ATRNL1: variants seen among roughly 807,000 people sequenced by gnomAD.
ATRNL1 encodes the protein attractin like 1.
Under a neutral mutation model 182.7 loss-of-function variants are expected in ATRNL1, and 95 were observed. The observed-to-expected ratio is 0.52, with a 90% confidence interval of 0.44 to 0.62. ATRNL1 has a LOEUF of 0.62. Ranked by LOEUF, ATRNL1 falls within the 20% of genes least tolerant of loss-of-function variation. The pLI is 0.00. For synonymous variants in ATRNL1, 576 were observed against 568.3 expected, an observed-to-expected ratio of 1.01 and a Z score of -0.19; for missense variants, 1,471 against 1,679.5, an observed-to-expected ratio of 0.88 and a Z score of 2.17.
At chr10:115,702,541 C>G (rs568491698) in intron 26 of ATRNL1, among the ~76,000 whole-genome samples, 12 of 152,002 alleles carry the variant, frequency 7.9e-5, no homozygotes, top group African/African-American at 2.9e-4. Context: ...TTAGAAAACA[C>G]TAAAGACTCC....
At chr10:115,808,854 T>C (rs982672242) in intron 27 of ATRNL1, among the ~76,000 whole-genome samples, 1 of 152,168 alleles carries the variant, frequency 6.6e-6, no homozygotes, top group African/African-American at 2.4e-5. Context: ...GTTCAGTTTA[T>C]TGACTTTTTC....
intron 26 of ATRNL1, among the ~76,000 whole-genome samples, chr10:115,639,277 A>C (rs2133852351): frequency 6.6e-6 from 1 of 152,330 alleles, no homozygotes; most frequent in East Asian, 1.9e-4. Flanking sequence ...CAAACTGTGA[A>C]TTCTGTGTTT....
At chr10:115,628,013 G>A (rs1201270939) in intron 26 of ATRNL1, among the ~76,000 whole-genome samples, 19 of 151,918 alleles carry the variant, frequency 1.3e-4, no homozygotes, top group African/African-American at 4.6e-4. Context: ...TGGGCATGGT[G>A]GTGTGCACCT....
intron 28 of ATRNL1, among the ~76,000 whole-genome samples, chr10:115,892,704 G>A (rs1380822726): frequency 1.3e-5 from 2 of 152,066 alleles, no homozygotes; most frequent in African/African-American, 2.4e-5. Context: ...TTTGAATTCC[G>A]ATTGAAATCA....
intron 26 of ATRNL1, among the ~76,000 whole-genome samples, chr10:115,569,379 G>A (rs2133858181): frequency 6.6e-6 from 1 of 152,094 alleles, no homozygotes; most frequent in African/African-American, 2.4e-5. Flanking sequence ...ATTCCAAATG[G>A]GATTGCTTGC....
intron 20 of ATRNL1, among the ~76,000 whole-genome samples, chr10:115,400,905 C>G (rs1844533754): frequency 6.6e-6 from 1 of 151,954 alleles, no homozygotes; most frequent in African/African-American, 2.4e-5. Flanking sequence ...GTTTGCCTTT[C>G]TATGTCTTTT....
chr10:115,603,238 A>G (rs1234011954), intron 26 of ATRNL1, among the ~76,000 whole-genome samples: 1 of 152,216 alleles, frequency 6.6e-6, no homozygotes, highest in Non-Finnish European at 1.5e-5. Flanking sequence ...AGCTAATGAT[A>G]AATTAGTCTT....
At chr10:115,511,118 GT>G (rs1438045858) in intron 24 of ATRNL1, among the ~76,000 whole-genome samples, 1 of 151,734 alleles carries the variant, frequency 6.6e-6, no homozygotes, top group Non-Finnish European at 1.5e-5. Flanking sequence ...CCAGAAATAT[GT>G]TTTATTTTGT....
intron 19 of ATRNL1, among the ~76,000 whole-genome samples, chr10:115,375,403 C>T (rs1051941936): frequency 1.3e-5 from 2 of 151,776 alleles, no homozygotes; most frequent in African/African-American, 4.8e-5. Flanking sequence ...TGTTTGATCA[C>T]TAAAAAAAGT....
intron 10 of ATRNL1, among the ~76,000 whole-genome samples, chr10:115,256,039 C>A (rs1851114573): frequency 6.6e-6 from 1 of 152,120 alleles, no homozygotes; most frequent in African/African-American, 2.4e-5. Flanking sequence ...TTTGGTTTGC[C>A]AGTATTTTAT....
chr10:115,785,966 T>G (rs1555080345), intron 27 of ATRNL1, among the ~76,000 whole-genome samples: 1 of 152,160 alleles, frequency 6.6e-6, no homozygotes, highest in Non-Finnish European at 1.5e-5. Flanking sequence ...CGATAATATG[T>G]TCTTCATTTT....
At chr10:115,924,812 C>T (rs1191346659) in intron 28 of ATRNL1, among the ~76,000 whole-genome samples, 2 of 152,104 alleles carry the variant, frequency 1.3e-5, no homozygotes, top group Non-Finnish European at 2.9e-5. Flanking sequence ...GATGGAATAG[C>T]GTTGGATCTA....
At chr10:115,653,758 C>A (rs913325300) in intron 26 of ATRNL1, among the ~76,000 whole-genome samples, 3 of 152,176 alleles carry the variant, frequency 2.0e-5, no homozygotes, top group Non-Finnish European at 4.4e-5. Flanking sequence ...TCCTTGTTTG[C>A]AAATATTGTG....
intron 5 of ATRNL1, among the ~76,000 whole-genome samples, chr10:115,159,280 A>C (rs749469412): frequency 6.6e-5 from 10 of 151,518 alleles, no homozygotes; most frequent in Non-Finnish European, 1.3e-4. Flanking sequence ...GTGAGCCCTA[A>C]AGTTTGATGA....
At chr10:115,236,611 T>C (rs1472839532) in intron 9 of ATRNL1, among the ~76,000 whole-genome samples, 2 of 152,160 alleles carry the variant, frequency 1.3e-5, no homozygotes, top group Admixed American at 1.3e-4. Flanking sequence ...TTTAGAGCAG[T>C]TTTAGTTTTA....
intron 27 of ATRNL1, among the ~76,000 whole-genome samples, chr10:115,834,145 C>T (rs1381429522): frequency 1.3e-5 from 2 of 152,134 alleles, no homozygotes; most frequent in African/African-American, 4.8e-5. Flanking sequence ...CTGCATACCC[C>T]ACACCTTTAG....
intron 27 of ATRNL1, among the ~76,000 whole-genome samples, chr10:115,783,715 A>T (rs1039464087): frequency 2.0e-5 from 3 of 152,124 alleles, no homozygotes; most frequent in East Asian, 3.9e-4. Context: ...AATGAGAAAG[A>T]ATTATAAAGT....
intron 9 of ATRNL1, among the ~76,000 whole-genome samples, chr10:115,230,843 A>T (rs1554899760): frequency 1.4e-5 from 2 of 147,044 alleles, no homozygotes; most frequent in African/African-American, 5.0e-5. Context: ...AGAATTGAAA[A>T]AACTAGGGGA....
intron 24 of ATRNL1, among the ~76,000 whole-genome samples, chr10:115,495,274 G>A (rs1024855434): frequency 1.3e-5 from 2 of 151,970 alleles, no homozygotes; most frequent in Admixed American, 6.6e-5. Context: ...AAAGAATGAA[G>A]TGGGTTTGTT....
Sources: allele counts gnomAD v4.1 joint callset (sites outside exome capture counted in the v4.1 genomes callset), GRCh38; gene constraint gnomAD v4.1.1; transcripts MANE v1.5; gene names NCBI Gene and HGNC (gene_info 2026-07-23, HGNC 2026-07-21).